The following OPHN1 variants were observed in gnomAD, a reference collection of about 807,000 sequenced individuals.
OPHN1 encodes oligophrenin-1.
In OPHN1, 11 loss-of-function variants were observed where a neutral mutation model predicts 60.7. That is an observed-to-expected ratio of 0.18 (90% confidence interval 0.11 to 0.30). OPHN1 has a LOEUF of 0.30. OPHN1 is among the 10% of genes least tolerant of loss of function. The probability of loss-of-function intolerance (pLI) is 1.00; values close to 1 mark genes in which losing one functional copy is unlikely to be tolerated. For synonymous variants in OPHN1, 226 were observed against 222.6 expected (o/e 1.02, Z -0.14); for missense variants, 449 against 611.0 (o/e 0.73, Z 2.80).
intron 2 of OPHN1, among the ~76,000 whole-genome samples, chrX:68,412,724 A>G (rs1487540770): frequency 9.0e-6 from 1 of 111,711 alleles, no homozygotes; most frequent in African/African-American, 3.3e-5. Flanking sequence ...TCTTGCCCAC[A>G]TAAGAAGGGT....
intron 15 of OPHN1, among the ~76,000 whole-genome samples, chrX:68,160,897 G>T (rs1205336844): frequency 1.8e-5 from 2 of 108,980 alleles, no homozygotes; most frequent in Non-Finnish European, 3.8e-5. Flanking sequence ...ACAGCAAGAA[G>T]AATAAAGGAA....
chrX:68,052,570 A>C lies in OPHN1; in HGVS notation c.2345T>G (p.Phe782Cys). The change falls in exon 23 of 25, where the codon TTT (phenylalanine) becomes TGT (cysteine). Residue 782 changes from phenylalanine (F) to cysteine (C), a missense_variant. By Grantham distance (205) the Phe-to-Cys change is radical (BLOSUM62 -2). Coordinates refer to ENST00000355520, the MANE Select transcript of OPHN1 (RefSeq NM_002547.3). ...TSSVVASRTR[F>C]FETASRKTGS... ...TGTTTTCCGGGAAGCTGTTTCAAAA[A>C]ACCTGGTCCTGGAAGCCACCCTGCA... is the stretch of plus-strand genomic sequence containing the variant. 3 of 1,208,391 alleles carry C rather than the reference A, an allele frequency of 2.5e-6. No homozygotes were observed. The highest frequency in any genetic ancestry group is 3.4e-6 in the Non-Finnish European group (3 of 893,768).
chrX:68,254,823 C>A (rs1349776466), intron 5 of OPHN1, among the ~76,000 whole-genome samples: 1 of 109,407 alleles, frequency 9.1e-6, no homozygotes, highest in African/African-American at 3.3e-5. Flanking sequence ...TCACAACCAG[C>A]CTGGGCAACA....
chrX:68,112,066 C>G, intron 17 of OPHN1, 107 bp from the exon 18 acceptor site: 1 of 311,905 alleles, frequency 3.2e-6, no homozygotes, highest in Non-Finnish European at 6.1e-6. Flanking sequence ...CACATGCACA[C>G]ACACACACAC....
intron 2 of OPHN1, among the ~76,000 whole-genome samples, chrX:68,388,433 C>T (rs1475057263): frequency 9.8e-6 from 1 of 102,460 alleles, no homozygotes; most frequent in African/African-American, 3.6e-5. Flanking sequence ...GCACCCCCGA[C>T]TGGGTGATAG....
At chrX:68,397,755 G>A (rs1016777011) in intron 2 of OPHN1, among the ~76,000 whole-genome samples, 4 of 108,982 alleles carry the variant, frequency 3.7e-5, no homozygotes, top group African/African-American at 1.0e-4. Flanking sequence ...ACCCCTGACC[G>A]CAAGTGATCC....
chrX:68,237,838 T>G (rs1192738532), intron 5 of OPHN1, among the ~76,000 whole-genome samples: 7 of 112,004 alleles, frequency 6.2e-5, no homozygotes, highest in Non-Finnish European at 1.1e-4. Flanking sequence ...TAGAGATAGA[T>G]TTACTTCTTT....
chrX:68,195,012 A>AAGGG (rs1569239689), intron 12 of OPHN1, among the ~76,000 whole-genome samples: 2 of 53,676 alleles, frequency 3.7e-5, no homozygotes, highest in Non-Finnish European at 6.4e-5. Flanking sequence ...GAAAGGAAGG[A>AAGGG]AGGAAGGAAG....
chrX:68,196,080 T>A (rs1192778024), intron 12 of OPHN1, among the ~76,000 whole-genome samples: 2 of 112,206 alleles, frequency 1.8e-5, no homozygotes, highest in Non-Finnish European at 3.8e-5. Flanking sequence ...GAATATTTTC[T>A]GGATGGCAGT....
intron 15 of OPHN1, among the ~76,000 whole-genome samples, chrX:68,178,768 T>C (rs974853269): frequency 2.7e-5 from 3 of 112,112 alleles, no homozygotes; most frequent in Non-Finnish European, 3.8e-5. Flanking sequence ...TCCAAATTGT[T>C]TTTGTCAATT....
chrX:68,138,049 A>C (rs1179662379), intron 15 of OPHN1, among the ~76,000 whole-genome samples: 1 of 111,912 alleles, frequency 8.9e-6, no homozygotes, highest in Non-Finnish European at 1.9e-5. Flanking sequence ...AAATACCAAG[A>C]ACCTTGGCCA....
At chrX:68,094,696 C>A (rs1261920572) in intron 19 of OPHN1, among the ~76,000 whole-genome samples, 7 of 111,219 alleles carry the variant, frequency 6.3e-5, no homozygotes, top group Non-Finnish European at 1.3e-4. Context: ...CAGAGCAAAT[C>A]TAAAATTCTT....
intron 2 of OPHN1, among the ~76,000 whole-genome samples, chrX:68,329,554 C>A (rs1217642729): frequency 8.9e-6 from 1 of 112,148 alleles, no homozygotes; most frequent in East Asian, 2.8e-4. Flanking sequence ...AGCATTTCCT[C>A]AAGAAAAGGT....
intron 19 of OPHN1, among the ~76,000 whole-genome samples, chrX:68,088,789 T>TA (rs1400670024): frequency 3.6e-5 from 4 of 111,026 alleles, no homozygotes; most frequent in Non-Finnish European, 7.6e-5. Context: ...CATTTTTTTT[T>TA]AATGAGGGAA....
At chrX:68,429,967 G>A (rs1348255691) in intron 2 of OPHN1, among the ~76,000 whole-genome samples, 2 of 110,553 alleles carry the variant, frequency 1.8e-5, no homozygotes, top group East Asian at 5.7e-4. Context: ...CCCAAGGGGC[G>A]ATGGCTGCAG....
intron 2 of OPHN1, among the ~76,000 whole-genome samples, chrX:68,410,917 C>T (rs1164091318): frequency 9.0e-6 from 1 of 111,704 alleles, no homozygotes; most frequent in Non-Finnish European, 1.9e-5. Context: ...TGTATATGCA[C>T]ATAATGTAAT....
At chrX:68,080,606 T>C (rs958114357) in intron 19 of OPHN1, among the ~76,000 whole-genome samples, 1 of 112,228 alleles carries the variant, frequency 8.9e-6, no homozygotes, top group Non-Finnish European at 1.9e-5. Context: ...GAAGAAGCTG[T>C]CTGTATTACA....
At chrX:68,385,340 G>A (rs1235508251) in intron 2 of OPHN1, among the ~76,000 whole-genome samples, 1 of 111,600 alleles carries the variant, frequency 9.0e-6, no homozygotes, top group Non-Finnish European at 1.9e-5. Flanking sequence ...TAAACATCTA[G>A]CAATGCCCAG....
At chrX:68,070,638 C>G in intron 20 of OPHN1, 1 of 759,466 alleles carries the variant, frequency 1.3e-6, no homozygotes, top group African/African-American at 2.0e-5. Flanking sequence ...TTTGGCACAG[C>G]AAGTGGCAGT....
Sources: allele counts gnomAD v4.1 joint callset (sites outside exome capture counted in the v4.1 genomes callset), GRCh38; gene constraint gnomAD v4.1.1; transcripts MANE v1.5; gene names NCBI Gene and HGNC (gene_info 2026-07-23, HGNC 2026-07-21).